TC2N: variants seen among roughly 807,000 people sequenced by gnomAD.
TC2N encodes the protein tandem C2 domains, nuclear, also known as tandem C2 domains nuclear protein.
Under a neutral mutation model 61.9 loss-of-function variants are expected in TC2N, and 51 were observed. The observed-to-expected ratio is 0.82, with a 90% CI of 0.66 to 1.04. The LOEUF (loss-of-function observed/expected upper bound fraction) is 1.04, where lower values mean the gene tolerates loss of function less well. TC2N is among the 50% of genes least tolerant of loss of function. TC2N has a pLI of 0.00. For missense variants in TC2N, 556 were observed against 566.7 expected (o/e 0.98, Z 0.19); for synonymous variants, 204 against 192.6 (o/e 1.06, Z -0.49).
intron 1 of TC2N, among the ~76,000 whole-genome samples, chr14:91,842,309 C>T (rs1055840609): frequency 6.6e-6 from 1 of 152,086 alleles, no homozygotes; most frequent in Non-Finnish European, 1.5e-5. Context: ...TATTAAAGGC[C>T]AAGTGCTGAA....
chr14:91,827,525 C>G (rs938622296), intron 1 of TC2N, among the ~76,000 whole-genome samples: 1 of 152,136 alleles, frequency 6.6e-6, no homozygotes, highest in Non-Finnish European at 1.5e-5. Flanking sequence ...TCTCTAACTC[C>G]GAATCTCCTA....
chr14:91,806,296 G>A (rs934001360), intron 3 of TC2N, among the ~76,000 whole-genome samples: 3 of 152,192 alleles, frequency 2.0e-5, no homozygotes, highest in African/African-American at 4.8e-5. Context: ...GGGTGCTGCT[G>A]TAAAGATACC....
In TC2N at chr14:91,812,717, G is replaced by A. The variant is rs563779812; in HGVS notation, c.68-172C>T. Among the ~76,000 whole-genome samples the A allele has an allele frequency of 1.2e-4, 18 of 151,962 alleles. No homozygotes were observed. The South Asian group carries it at 3.3e-3, about 28-fold the overall frequency. On this transcript the variant is annotated intron_variant, in intron 2 of 11. Transcript: ENST00000435962. Reference sequence around the variant, plus strand: ...GAATCTACATTAATTTTGTCCAGACGATATTTGAGCAATTAATACACTACT... The same window carrying A: ...GAATCTACATTAATTTTGTCCAGACAATATTTGAGCAATTAATACACTACT...
At chr14:91,795,943 CA>C (rs1173304877) in intron 8 of TC2N, among the ~76,000 whole-genome samples, 1 of 151,992 alleles carries the variant, frequency 6.6e-6, no homozygotes, top group African/African-American at 2.4e-5. Context: ...AATGAGCTTA[CA>C]AATTATGCAA....
rs1186538207 is a variant in TC2N at position 91,781,402 on chromosome 14, T to C, written c.*1698A>G. Reference sequence around the variant, plus strand: ...GTAAACCATGAACTTTGGATGATAATGATGTTTCAGAGTAGGTTCATTGAT... The same window carrying C: ...GTAAACCATGAACTTTGGATGATAACGATGTTTCAGAGTAGGTTCATTGAT... On this transcript the variant is annotated 3_prime_UTR_variant, in exon 12 of 12. Transcript: ENST00000435962. 1 of 152,102 alleles carries C rather than the reference T, an allele frequency of 6.6e-6. No individual in the cohort carries two copies. The highest frequency in any genetic ancestry group is 2.4e-5 in the African/African-American group (1 of 41,436). 9.4% of individuals were successfully genotyped at this position (152,102 alleles called of 1,614,324 possible). A position where few individuals can be genotyped will look rare whatever the true frequency, so the allele number is the denominator to read the frequency against.
chr14:91,860,338 A>C (rs900299700), intron 1 of TC2N, among the ~76,000 whole-genome samples: 2 of 152,096 alleles, frequency 1.3e-5, no homozygotes, highest in African/African-American at 4.8e-5. Context: ...TTGCAAAAAA[A>C]AAAAAAAAGT....
At chr14:91,794,114 C>T (rs1885788820) in intron 8 of TC2N, among the ~76,000 whole-genome samples, 1 of 152,128 alleles carries the variant, frequency 6.6e-6, no homozygotes, top group African/African-American at 2.4e-5. Context: ...AAAACCTAAT[C>T]CAGAGCAAGG....
In TC2N at chr14:91,787,567, A is replaced by G. The variant is rs372972185; in HGVS notation, c.1108T>C (p.Leu370=). The part of the protein sequence containing the change: ...CFQAVNSRIQ[L]QILEARYLPS... Reference sequence around the variant, plus strand: ...AGGTACCGTGCCTCAAGAATTTGTAACTGAATTCTGCTATTTACTGCTTGA... The same window carrying G: ...AGGTACCGTGCCTCAAGAATTTGTAGCTGAATTCTGCTATTTACTGCTTGA... Residue 370 remains leucine, a synonymous_variant, in exon 10 of 12, where the codon TTA becomes CTA. Transcript: ENST00000435962. The G allele has an allele frequency of 5.0e-6, 8 of 1,612,908 alleles. No homozygotes were observed. The highest frequency in any genetic ancestry group is 1.3e-5 in the African/African-American group (1 of 74,876).
chr14:91,856,825 G>A (rs1888493137), intron 1 of TC2N, among the ~76,000 whole-genome samples: 1 of 152,126 alleles, frequency 6.6e-6, no homozygotes, highest in African/African-American at 2.4e-5. Flanking sequence ...GTTTTTTGCT[G>A]TCCCTAGTGC....
chr14:91,787,703 G>C lies in TC2N; in HGVS notation c.1048-76C>G, dbSNP rs1885435451. 9.8e-6 allele frequency: 8 copies of C among 815,314 alleles called. No homozygotes were observed. The South Asian group carries it at 1.4e-4, about 15-fold the overall frequency. 50.5% of individuals were successfully genotyped at this position (815,314 alleles called of 1,614,324 possible). A position where few individuals can be genotyped will look rare whatever the true frequency, so the allele number is the denominator to read the frequency against. On this transcript the variant is annotated intron_variant, in intron 9 of 11. Transcript: ENST00000435962. The stretch of plus-strand genomic sequence containing the variant: ...CAATTCAAAAATTAAAAGATAAAAA[G>C]CTAAGGTTAGAAATTTTGAAAGTAT...
chr14:91,788,790 A>C (rs1451057048), intron 9 of TC2N, among the ~76,000 whole-genome samples: 1 of 152,250 alleles, frequency 6.6e-6, no homozygotes, highest in Non-Finnish European at 1.5e-5. Context: ...TAACAAGTAC[A>C]AACTCAACTG....
At chr14:91,820,121 G>T (rs1887177289) in intron 1 of TC2N, among the ~76,000 whole-genome samples, 1 of 151,996 alleles carries the variant, frequency 6.6e-6, no homozygotes, top group Non-Finnish European at 1.5e-5. Context: ...ACTGGATAAA[G>T]AAGTATGATA....
intron 1 of TC2N, among the ~76,000 whole-genome samples, chr14:91,853,093 A>T (rs889248657): frequency 6.6e-6 from 1 of 151,994 alleles, no homozygotes; most frequent in Non-Finnish European, 1.5e-5. Flanking sequence ...ACAAACAAAC[A>T]ACGACAACAA....
chr14:91,792,617 A>G (rs1015222057), intron 8 of TC2N, 59 bp from the exon 9 acceptor site: 5 of 755,364 alleles, frequency 6.6e-6, no homozygotes, highest in Non-Finnish European at 7.9e-6. Flanking sequence ...ATGCCAATAC[A>G]AAATAATATT....
chr14:91,810,358 A>G (rs1011353132), intron 3 of TC2N, among the ~76,000 whole-genome samples: 1 of 152,040 alleles, frequency 6.6e-6, no homozygotes, highest in Admixed American at 6.6e-5. Context: ...GGGAAAGGAG[A>G]AAGGGAAGGA....
chr14:91,842,816 A>T (rs1045641631), intron 1 of TC2N, among the ~76,000 whole-genome samples: 1 of 152,146 alleles, frequency 6.6e-6, no homozygotes, highest in Non-Finnish European at 1.5e-5. Context: ...GGTTCCACTT[A>T]CTGGAGCCAC....
intron 1 of TC2N, among the ~76,000 whole-genome samples, chr14:91,862,966 T>C (rs1474859704): frequency 6.6e-6 from 1 of 152,184 alleles, no homozygotes. Flanking sequence ...CTTGACTAAT[T>C]ATGGTTTTAC....
At chr14:91,849,518 T>G (rs571320864) in intron 1 of TC2N, among the ~76,000 whole-genome samples, 19 of 152,318 alleles carry the variant, frequency 1.2e-4, no homozygotes, top group African/African-American at 3.6e-4. Context: ...TTTCCCCTAG[T>G]ACTAGTACAC....
At chr14:91,820,913 C>T (rs1174849935) in intron 1 of TC2N, among the ~76,000 whole-genome samples, 2 of 151,924 alleles carry the variant, frequency 1.3e-5, no homozygotes, top group East Asian at 3.9e-4. Flanking sequence ...AAGACTTATA[C>T]ACTGCAAACC....
Sources: allele counts gnomAD v4.1 joint callset (sites outside exome capture counted in the v4.1 genomes callset), GRCh38; gene constraint gnomAD v4.1.1; transcripts MANE v1.5; gene names NCBI Gene and HGNC (gene_info 2026-07-23, HGNC 2026-07-21).